The following SACM1L variants were observed in gnomAD, a reference collection of about 807,000 sequenced individuals.
SACM1L encodes SAC1 like phosphatidylinositide phosphatase.
A neutral mutation model predicts 89.5 loss-of-function variants in SACM1L; 32 were observed. That is an observed-to-expected ratio of 0.36 (90% CI 0.27 to 0.48). SACM1L has a LOEUF of 0.48. Ranked by LOEUF, SACM1L falls within the 20% of genes least tolerant of loss-of-function variation. SACM1L has a pLI of 0.99. For synonymous variants in SACM1L, 213 were observed against 232.8 expected (o/e 0.92, Z 0.77); for missense variants, 543 against 708.5 (o/e 0.77, Z 2.65).
intron 19 of SACM1L, chr3:45,742,651 A>G (rs937418802): frequency 6.6e-6 from 1 of 152,210 alleles, no homozygotes; most frequent in African/African-American, 2.4e-5. Context: ...GTTGGGTTAA[A>G]TATGTCATTA....
At chr3:45,697,692 A>G (rs1698164448) in intron 1 of SACM1L, among the ~76,000 whole-genome samples, 1 of 152,226 alleles carries the variant, frequency 6.6e-6, no homozygotes, top group Non-Finnish European at 1.5e-5. Flanking sequence ...ATTTTGATAT[A>G]TCTTCCATAG....
chr3:45,738,919 C>A, intron 18 of SACM1L, 46 bp downstream of exon 18: 2 of 1,169,266 alleles, frequency 1.7e-6, no homozygotes, highest in South Asian at 1.3e-5. Flanking sequence ...AGCATTGTGT[C>A]TGAAGGTATA....
At position 45,709,575 on chromosome 3, in the gene SACM1L, T is replaced by C. The variant is rs373765758; in HGVS notation, c.411T>C (p.Tyr137=). The C allele has an allele frequency of 1.2e-6, 2 of 1,613,938 alleles. No homozygotes were observed. Among genetic ancestry groups the C allele is most frequent in the Non-Finnish European group, 1.7e-6 (2 of 1,179,846 alleles). Residue 137 remains tyrosine, a synonymous_variant, in exon 5 of 20, where the codon TAT becomes TAC. Coordinates refer to ENST00000389061, the MANE Select transcript of SACM1L (RefSeq NM_014016.5). ...ATGGATTTTACTTTTCAACAACATATGATTTGACCCATACTTTGCAGCGGC... is the reference window on the plus strand; with the variant it reads ...ATGGATTTTACTTTTCAACAACATACGATTTGACCCATACTTTGCAGCGGC... The part of the protein sequence containing the change: ...NVDGFYFSTT[Y]DLTHTLQRLS...
At chr3:45,742,507 G>A (rs1394383921) in intron 19 of SACM1L, among the ~76,000 whole-genome samples, 2 of 152,166 alleles carry the variant, frequency 1.3e-5, no homozygotes, top group Non-Finnish European at 2.9e-5. Context: ...TGCAAATGAG[G>A]CCAGTAGTGT....
chr3:45,704,933 T>C (rs1157400583), intron 2 of SACM1L, among the ~76,000 whole-genome samples: 1 of 152,236 alleles, frequency 6.6e-6, no homozygotes, highest in East Asian at 1.9e-4. Context: ...CTAGGAGTTA[T>C]CACAGTTTTA....
intron 1 of SACM1L, among the ~76,000 whole-genome samples, chr3:45,693,124 A>G (rs548856855): frequency 7.9e-5 from 12 of 152,302 alleles, no homozygotes; most frequent in Middle Eastern, 3.4e-3. Context: ...TTGCAACACA[A>G]TGGTAAAGAT....
intron 1 of SACM1L, 116 bp from the exon 2 acceptor site, chr3:45,703,322 T>A (rs1009974878): frequency 6.0e-6 from 4 of 671,058 alleles, no homozygotes; most frequent in Non-Finnish European, 1.0e-5. Context: ...AGATTCATCC[T>A]TTTAGAAGCT....
rs192239339 is a variant in SACM1L, at chr3:45,720,634, C to T, written c.679+1033C>T. 8.4e-4 allele frequency among the ~76,000 whole-genome samples: 128 copies of T among 152,132 alleles called. 1 individual carries two copies. The highest frequency in any genetic ancestry group is 3.0e-3 in the African/African-American group (123 of 41,502). On this transcript the variant is annotated intron_variant, in intron 8 of 19. Coordinates refer to ENST00000389061, the MANE Select transcript of SACM1L (RefSeq NM_014016.5). ...TTTTCATAAAGATCTTTCTTTCATA[C>T]ACACAAACACACATACTGTCTCTCA...
rs1211551341 is a variant in SACM1L, at chr3:45,745,157, A to G, written c.*1488A>G. ...GCATAATTTGTTCCAAAGATGGAAT[A>G]TTGAAACTTAGTTCATGTCTGCTGT... On this transcript the variant is annotated 3_prime_UTR_variant, in exon 20 of 20. Coordinates refer to ENST00000389061, the MANE Select transcript of SACM1L (RefSeq NM_014016.5). 1 of 152,524 alleles carries G rather than the reference A, an allele frequency of 6.6e-6. No individual in the cohort carries two copies. The highest frequency in any genetic ancestry group is 1.9e-4 in the East Asian group (1 of 5,204). 9.4% of individuals were successfully genotyped at this position (152,524 alleles called of 1,614,324 possible).
At chr3:45,723,046 A>G in intron 10 of SACM1L, 91 bp downstream of exon 10, 1 of 1,110,494 alleles carries the variant, frequency 9.0e-7, no homozygotes, top group Non-Finnish European at 1.3e-6. Flanking sequence ...ATTCCGCATA[A>G]ATCAATGTTC....
intron 11 of SACM1L, among the ~76,000 whole-genome samples, chr3:45,724,596 A>AT (rs1186931492): frequency 1.3e-5 from 2 of 151,926 alleles, no homozygotes; most frequent in African/African-American, 4.8e-5. Context: ...CTTTAGGTTG[A>AT]TTTTTTACTC....
chr3:45,714,247 T>G (rs1278768530), intron 7 of SACM1L, among the ~76,000 whole-genome samples, 168 bp downstream of exon 7: 3 of 151,820 alleles, frequency 2.0e-5, no homozygotes, highest in Non-Finnish European at 2.9e-5. Flanking sequence ...GTTTGTTTTT[T>G]TTTTTTTTAG....
intron 13 of SACM1L, among the ~76,000 whole-genome samples, chr3:45,732,587 C>G (rs1349746066): frequency 6.6e-6 from 1 of 152,130 alleles, no homozygotes; most frequent in Non-Finnish European, 1.5e-5. Flanking sequence ...ACCCTGAGCA[C>G]CTGGTTTATT....
chr3:45,694,652 T>A (rs537094483), intron 1 of SACM1L, among the ~76,000 whole-genome samples: 1 of 152,252 alleles, frequency 6.6e-6, no homozygotes, highest in South Asian at 2.1e-4. Flanking sequence ...GGCCCCACAT[T>A]AGGCCTACTG....
chr3:45,724,815 T>G (rs1698879923), intron 11 of SACM1L, among the ~76,000 whole-genome samples: 2 of 152,330 alleles, frequency 1.3e-5, no homozygotes, highest in Middle Eastern at 6.8e-3. Context: ...GTTTCGTGTA[T>G]GTGTGTCTGT....
rs144254456 is a variant in SACM1L at position 45,742,132 on chromosome 3, C to T, written c.1628-1401C>T. On this transcript the variant is annotated intron_variant, in intron 19 of 19. Transcript: ENST00000389061. Reference sequence around the variant, plus strand: ...GACCAAGAACTCTGCTTGAATGAAACGGATGATTCCTTTAGGGAGTGTCCA... The same window carrying T: ...GACCAAGAACTCTGCTTGAATGAAATGGATGATTCCTTTAGGGAGTGTCCA... Among the ~76,000 whole-genome samples the T allele has an allele frequency of 5.2e-3, 798 of 152,302 alleles. 10 individuals carry two copies. The highest frequency in any genetic ancestry group is 0.018 in the African/African-American group (732 of 41,558).
Position 45,713,164 on chromosome 3 carries a change from C to T in SACM1L, c.511C>T (p.His171Tyr), listed in dbSNP as rs1306228249. ...AGATCAGCGGTTTGTATGGAATGGT[C>T]ATCTTCTAAGAGAACTTTCTGCACA... ...RADQRFVWNG[H>Y]LLRELSAQPE... Residue 171 changes from histidine to tyrosine, a missense_variant, in exon 6 of 20, where the codon CAT (histidine) becomes TAT (tyrosine). His to Tyr is a moderately conservative substitution (Grantham distance 83). Around this residue, in one of 2 missense-constraint regions of SACM1L, gnomAD observed 370 missense variants for 527.6 expected, o/e 0.70. Transcript: ENST00000389061. The T allele has an allele frequency of 6.2e-7, 1 of 1,612,556 alleles. No individual in the cohort carries two copies. Among genetic ancestry groups the T allele is most frequent in the South Asian group, 1.1e-5 (1 of 90,868 alleles).
chr3:45,706,131 C>T (rs560045449), intron 3 of SACM1L, among the ~76,000 whole-genome samples: 3 of 152,236 alleles, frequency 2.0e-5, no homozygotes, highest in Admixed American at 6.5e-5. Flanking sequence ...AGAGGGGGAA[C>T]TTGTGGGTAG....
chr3:45,739,929 T>G, intron 19 of SACM1L: 1 of 435,802 alleles, frequency 2.3e-6, no homozygotes, highest in Non-Finnish European at 4.1e-6. Flanking sequence ...AGAGGCTTAA[T>G]TTGCCAAGGT....
Sources: gnomAD v4.1 joint callset for allele counts (sites outside exome capture counted in the v4.1 genomes callset) on GRCh38, gnomAD v4.1.1 for gene constraint, gnomAD v4.1.1 regional missense constraint, MANE v1.5 for transcripts, NCBI Gene and HGNC (gene_info 2026-07-23, HGNC 2026-07-21) for gene names.